IMPA2: variants seen among roughly 807,000 people sequenced by gnomAD.
The protein encoded by IMPA2 is inositol monophosphatase 2.
Under a neutral mutation model 35.1 loss-of-function variants are expected in IMPA2, and 32 were observed. The observed-to-expected ratio is 0.91, with a 90% CI of 0.69 to 1.23. The LOEUF (loss-of-function observed/expected upper bound fraction) is 1.23. Ranked by LOEUF, IMPA2 falls within the 50% of genes most tolerant of loss-of-function variation. The pLI is 0.00. For missense variants in IMPA2, 334 were observed against 387.6 expected (o/e 0.86, Z 1.16); for synonymous variants, 135 against 160.6 (o/e 0.84, Z 1.20).
At chr18:12,017,388 A>T (rs1907607655) in intron 5 of IMPA2, among the ~76,000 whole-genome samples, 1 of 152,084 alleles carries the variant, frequency 6.6e-6, no homozygotes, top group South Asian at 2.1e-4. Flanking sequence ...ATACAATCAC[A>T]TCATCAATAT....
intron 4 of IMPA2, 197 bp downstream of exon 4, chr18:12,012,412 C>T (rs1568034726): frequency 3.4e-6 from 2 of 590,336 alleles, no homozygotes; most frequent in South Asian, 4.3e-5. Context: ...CGGGGTGGGG[C>T]TCCGTGGCTG....
At chr18:11,992,172 C>T (rs1316134082) in intron 1 of IMPA2, among the ~76,000 whole-genome samples, 1 of 152,242 alleles carries the variant, frequency 6.6e-6, no homozygotes, top group African/African-American at 2.4e-5. Context: ...TATCTGCGCT[C>T]CACGTAGCTC....
intron 5 of IMPA2, among the ~76,000 whole-genome samples, chr18:12,016,684 G>A (rs1490121909): frequency 6.6e-6 from 1 of 152,166 alleles, no homozygotes; most frequent in Non-Finnish European, 1.5e-5. Context: ...CTCCCAGAGT[G>A]TTGGGCTTAC....
intron 1 of IMPA2, among the ~76,000 whole-genome samples, chr18:11,998,020 A>G (rs1293318745): frequency 6.6e-6 from 1 of 152,128 alleles, no homozygotes; most frequent in South Asian, 2.1e-4. Flanking sequence ...ATAAAAAATG[A>G]GCTGGGTGCA....
chr18:12,026,014 TTATTA>T (rs1907872352), intron 5 of IMPA2, among the ~76,000 whole-genome samples: 1 of 149,814 alleles, frequency 6.7e-6, no homozygotes, highest in South Asian at 2.1e-4. Context: ...GATTACCATA[TTATTA>T]TATTTCAAAA....
chr18:11,988,180 A>G (rs1396695972), intron 1 of IMPA2, among the ~76,000 whole-genome samples: 2 of 151,330 alleles, frequency 1.3e-5, no homozygotes, highest in Non-Finnish European at 2.9e-5. Context: ...TAATTTTTGT[A>G]TTTTTAGTAG....
At chr18:12,002,429 C>T (rs1907138166) in intron 2 of IMPA2, among the ~76,000 whole-genome samples, 1 of 152,156 alleles carries the variant, frequency 6.6e-6, no homozygotes, top group Non-Finnish European at 1.5e-5. Flanking sequence ...CAAAGGTTTG[C>T]TCCTTGACCT....
chr18:12,012,084 A>C, intron 3 of IMPA2, 86 bp from the exon 4 acceptor site: 2 of 1,259,624 alleles, frequency 1.6e-6, no homozygotes, highest in South Asian at 1.2e-5. Context: ...GGTCCTTCTG[A>C]GCCTGCGGGG....
intron 1 of IMPA2, among the ~76,000 whole-genome samples, chr18:11,990,738 A>C (rs1344652764): frequency 6.6e-6 from 1 of 152,048 alleles, no homozygotes; most frequent in Non-Finnish European, 1.5e-5. Flanking sequence ...GAGAGGGATT[A>C]GGAAGTAATC....
intron 5 of IMPA2, among the ~76,000 whole-genome samples, chr18:12,021,255 T>G (rs1160513593): frequency 6.6e-6 from 1 of 152,028 alleles, no homozygotes; most frequent in Non-Finnish European, 1.5e-5. Flanking sequence ...TAGCTGGGTG[T>G]GGTGGTGCAT....
Position 12,010,749 on chromosome 18 carries a change from G to C in IMPA2, c.335+762G>C, listed in dbSNP as rs182650237. On this transcript the variant is annotated intron_variant, in intron 3 of 7. Coordinates refer to ENST00000269159, the MANE Select transcript of IMPA2 (RefSeq NM_014214.3). This position sits in a 1 kb window ranked among gnomAD's most constrained non-coding sequence, Gnocchi z 4.8. ...TGCACGCCAGCACACTAGGCTGCAC[G>C]CGCTAAGCAGGAAGGGTGAGCAGAG... is the stretch of plus-strand genomic sequence containing the variant. Among the ~76,000 whole-genome samples the C allele has an allele frequency of 2.3e-4, 35 of 152,308 alleles. No individual in the cohort carries two copies. Among genetic ancestry groups the C allele is most frequent in the African/African-American group, 8.4e-4 (35 of 41,566 alleles).
Position 11,999,213 on chromosome 18 carries a change from C to T in IMPA2, c.230+26C>T, listed in dbSNP as rs748912477. The T allele has an allele frequency of 6.0e-5, 97 of 1,605,134 alleles. 2 individuals carry two copies. The South Asian group carries it at 7.9e-4, about 13-fold the overall frequency. On this transcript the variant is annotated intron_variant, in intron 2 of 7. Coordinates refer to ENST00000269159, the MANE Select transcript of IMPA2 (RefSeq NM_014214.3). ...GTAGGTGTACTCCTCTGGGAAACAC[C>T]CCCAGTAACCCTGGCCACACTCATA... is the stretch of plus-strand genomic sequence containing the variant.
chr18:12,012,444 C>G (rs1247057985), intron 4 of IMPA2: 3 of 567,252 alleles, frequency 5.3e-6, no homozygotes, highest in Non-Finnish European at 9.4e-6. Flanking sequence ...CCGTGGAGGG[C>G]TGGCCTCGTG....
intron 5 of IMPA2, among the ~76,000 whole-genome samples, chr18:12,025,787 C>T (rs1049169793): frequency 6.6e-6 from 1 of 152,218 alleles, no homozygotes; most frequent in Non-Finnish European, 1.5e-5. Flanking sequence ...ACCATGTTGG[C>T]CAGGCTGGTC....
intron 1 of IMPA2, chr18:11,994,878 G>C (rs901819189): frequency 6.5e-6 from 1 of 152,686 alleles, no homozygotes; most frequent in Admixed American, 6.5e-5. Flanking sequence ...AGTCACAGTT[G>C]GGTGAGTGCC....
intron 2 of IMPA2, among the ~76,000 whole-genome samples, chr18:12,000,615 ATT>A (rs367586917): frequency 1.0e-4 from 12 of 118,160 alleles, no homozygotes; most frequent in Admixed American, 1.8e-4. Flanking sequence ...AGTGTTTGTG[ATT>A]TTTTTTTTTT....
chr18:12,007,670 T>TCTTTCTTTCTTTCTTC (rs764225886), intron 2 of IMPA2, among the ~76,000 whole-genome samples: 2 of 97,922 alleles, frequency 2.0e-5, no homozygotes, highest in East Asian at 2.4e-4. Flanking sequence ...TTTCTTTCTT[T>TCTTTCTTTCTTTCTTC]CTTTCTTTCC....
intron 5 of IMPA2, among the ~76,000 whole-genome samples, chr18:12,020,179 T>TATTG (rs200100858): frequency 0.032 from 4,772 of 151,216 alleles, 91 homozygotes; most frequent in Middle Eastern, 0.037. Context: ...GGCCTTTATT[T>TATTG]ATTGATTGAT....
chr18:12,024,916 A>G (rs953540665), intron 5 of IMPA2, among the ~76,000 whole-genome samples: 2 of 148,956 alleles, frequency 1.3e-5, no homozygotes, highest in African/African-American at 2.6e-5. Context: ...AATGAGACAC[A>G]TTATTATCAC....
Sources: allele counts gnomAD v4.1 joint callset (sites outside exome capture counted in the v4.1 genomes callset), GRCh38; gene constraint gnomAD v4.1.1; non-coding constraint Gnocchi (gnomAD v3.1); transcripts MANE v1.5; gene names NCBI Gene and HGNC (gene_info 2026-07-23, HGNC 2026-07-21).